Variants in NCOA1 observed in about 807,000 individuals in gnomAD.
NCOA1 encodes the protein Hin-2 protein.
In NCOA1, 35 loss-of-function variants were observed where a neutral mutation model predicts 150.9. That is an observed-to-expected ratio of 0.23 (90% CI 0.18 to 0.31). The LOEUF is 0.31. NCOA1 is among the 10% of genes least tolerant of loss of function. NCOA1 has a pLI of 1.00. For synonymous variants in NCOA1, 590 were observed against 630.0 expected (o/e 0.94, Z 0.95); for missense variants, 1,491 against 1,749.3 (o/e 0.85, Z 2.63).
chr2:24,693,437 C>G, intron 10 of NCOA1, 90 bp downstream of exon 10: 5 of 1,160,444 alleles, frequency 4.3e-6, no homozygotes, highest in Non-Finnish European at 6.5e-6. Flanking sequence ...TCTTTCTGTT[C>G]TATGAGATTT....
At chr2:24,623,797 C>A (rs55666881) in intron 3 of NCOA1, among the ~76,000 whole-genome samples, 1 of 152,200 alleles carries the variant, frequency 6.6e-6, no homozygotes, top group Non-Finnish European at 1.5e-5. Context: ...CCTGGTGTCT[C>A]TTCCTCCTCC....
At chr2:24,586,059 G>A (rs996714908) in intron 3 of NCOA1, among the ~76,000 whole-genome samples, 1 of 151,852 alleles carries the variant, frequency 6.6e-6, no homozygotes, top group African/African-American at 2.4e-5. Flanking sequence ...TGGATCACCT[G>A]AGCTCAGGAG....
Position 24,729,699 on chromosome 2 carries a change from C to T in NCOA1, c.3085C>T (p.Arg1029Ter). The change falls in exon 17 of 23, where the codon CGA becomes TGA. Residue 1029 changes from arginine (R) to a stop codon, truncating the protein, a stop_gained. Coordinates refer to ENST00000348332, the MANE Select transcript of NCOA1 (RefSeq NM_003743.5). LOFTEE classifies it high-confidence loss of function. ...GATGCCTGTTCAAGTAACACCTCCC[C>T]GAGGTGCTTTTTCACCTGGCATGGG... Reference protein sequence around the residue: ...GTMPVQVTPPRGAFSPGMGMQ... With the variant: ...GTMPVQVTPP The T allele has an allele frequency of 6.2e-7, 1 of 1,614,196 alleles. No homozygotes were observed. Among genetic ancestry groups the T allele is most frequent in the Non-Finnish European group, 8.5e-7 (1 of 1,180,034 alleles).
At chr2:24,751,465 C>G (rs1334486252) in intron 19 of NCOA1, among the ~76,000 whole-genome samples, 1 of 151,628 alleles carries the variant, frequency 6.6e-6, no homozygotes. Flanking sequence ...CGCCTGTAAT[C>G]CCAGCTACCT....
chr2:24,629,628 A>G (rs967170607), intron 3 of NCOA1, among the ~76,000 whole-genome samples: 12 of 150,718 alleles, frequency 8.0e-5, no homozygotes, highest in Admixed American at 3.3e-4. Flanking sequence ...ATGAATAATT[A>G]AAGGAATGTG....
At chr2:24,739,666 A>C in intron 18 of NCOA1, 133 bp downstream of exon 18, 1 of 569,124 alleles carries the variant, frequency 1.8e-6, no homozygotes, top group South Asian at 3.1e-5. Context: ...GTTTTCTTTG[A>C]GAATGAATTA....
At chr2:24,573,342 A>G (rs1018583846) in intron 2 of NCOA1, among the ~76,000 whole-genome samples, 1 of 152,148 alleles carries the variant, frequency 6.6e-6, no homozygotes, top group African/African-American at 2.4e-5. Flanking sequence ...TAGCTATTAA[A>G]GTTTTTGAGA....
chr2:24,768,902 G>C lies in NCOA1; in HGVS notation c.*511G>C, dbSNP rs1013673525. On this transcript the variant is annotated 3_prime_UTR_variant, in exon 23 of 23. Transcript: ENST00000348332. ...CCCAGGCAGCTTGTGTGTACAATCA[G>C]CTTCTCTAGCAACTCTGTATCTGTT... The C allele has an allele frequency of 1.4e-5, 3 of 220,542 alleles. No individual in the cohort carries two copies. Among genetic ancestry groups the C allele is most frequent in the African/African-American group, 6.7e-5 (3 of 44,504 alleles). The allele number at this position is 220,542 out of a possible 1,614,324, so 13.7% of individuals were successfully genotyped here.
intron 8 of NCOA1, among the ~76,000 whole-genome samples, chr2:24,684,733 G>C (rs1211679573): frequency 6.6e-6 from 1 of 152,122 alleles, no homozygotes; most frequent in Non-Finnish European, 1.5e-5. Flanking sequence ...ATAGTGTAGA[G>C]AAGCAAAGAT....
At chr2:24,608,722 T>C (rs1384138319) in intron 3 of NCOA1, among the ~76,000 whole-genome samples, 6 of 113,386 alleles carry the variant, frequency 5.3e-5, no homozygotes, top group African/African-American at 1.2e-4. Context: ...TTTTTTTTTT[T>C]CATTTATATC....
Position 24,752,125 on chromosome 2 carries a change from G to C in NCOA1, c.3850G>C (p.Ala1284Pro), listed in dbSNP as rs1380584970. The C allele has an allele frequency of 1.2e-6, 2 of 1,614,070 alleles. No homozygotes were observed. Among genetic ancestry groups the C allele is most frequent in the Non-Finnish European group, 1.7e-6 (2 of 1,179,992 alleles). The change falls in exon 20 of 23, where the codon GCC becomes CCC. Residue 1284 changes from alanine (A) to proline (P), a missense_variant. Physicochemically the swap from Ala to Pro is conservative, Grantham distance 27 (BLOSUM62 -1). Transcript: ENST00000348332. ...CGGGTATCAGTCACCAGACATGAAG[G>C]CCTGGCAGCAAGGAGCGATAGGAAA... Reference protein sequence around the residue: ...ASGYQSPDMKAWQQGAIGNNN... With the variant: ...ASGYQSPDMKPWQQGAIGNNN...
At chr2:24,503,422 C>T (rs1224639668) in intron 1 of NCOA1, among the ~76,000 whole-genome samples, 1 of 152,122 alleles carries the variant, frequency 6.6e-6, no homozygotes, top group Non-Finnish European at 1.5e-5. Context: ...TTGAGGATTA[C>T]TACATTTCTG....
At chr2:24,731,206 G>C (rs1318283462) in intron 17 of NCOA1, among the ~76,000 whole-genome samples, 1 of 152,112 alleles carries the variant, frequency 6.6e-6, no homozygotes, top group East Asian at 1.9e-4. Context: ...GGAAGGAAGA[G>C]AAAGAAGGAG....
intron 5 of NCOA1, among the ~76,000 whole-genome samples, chr2:24,661,885 C>G (rs1192740409): frequency 6.6e-6 from 1 of 152,134 alleles, no homozygotes; most frequent in Non-Finnish European, 1.5e-5. Flanking sequence ...TGTAGATGCT[C>G]TGATGTTTTT....
intron 8 of NCOA1, among the ~76,000 whole-genome samples, chr2:24,687,866 G>A (rs1043701184): frequency 4.6e-5 from 7 of 152,118 alleles, no homozygotes; most frequent in Non-Finnish European, 1.0e-4. Flanking sequence ...ACTAAGGCTA[G>A]CACCCAATAG....
intron 4 of NCOA1, among the ~76,000 whole-genome samples, chr2:24,650,090 C>G (rs1020491200): frequency 6.6e-6 from 1 of 151,986 alleles, no homozygotes; most frequent in Non-Finnish European, 1.5e-5. Context: ...TTTGATTTTG[C>G]TTTTTATTCT....
At chr2:24,754,823 A>G (rs1255836637) in intron 20 of NCOA1, among the ~76,000 whole-genome samples, 5 of 152,190 alleles carry the variant, frequency 3.3e-5, no homozygotes, top group East Asian at 1.9e-4. Flanking sequence ...ATATACATCT[A>G]TCAAACAAAT....
At chr2:24,535,199 T>C (rs1043017591) in intron 1 of NCOA1, among the ~76,000 whole-genome samples, 2 of 152,190 alleles carry the variant, frequency 1.3e-5, no homozygotes, top group Non-Finnish European at 2.9e-5. Flanking sequence ...TTTACCATTA[T>C]GTAATGGCCT....
intron 5 of NCOA1, among the ~76,000 whole-genome samples, chr2:24,660,300 A>C (rs1337433635): frequency 6.6e-6 from 1 of 152,148 alleles, no homozygotes; most frequent in Non-Finnish European, 1.5e-5. Context: ...AATATAGGCG[A>C]AGACACTATA....
Sources: allele counts gnomAD v4.1 joint callset (sites outside exome capture counted in the v4.1 genomes callset), GRCh38; gene constraint gnomAD v4.1.1; transcripts MANE v1.5; gene names NCBI Gene and HGNC (gene_info 2026-07-23, HGNC 2026-07-21).